ANKFY1: variants seen among roughly 807,000 people sequenced by gnomAD.
The protein encoded by ANKFY1 is ankyrin repeat and FYVE domain-containing protein 1.
ANKFY1 carries 47 observed loss-of-function variants against 128.3 expected under a neutral mutation model. The observed-to-expected ratio is 0.37, with a 90% confidence interval of 0.29 to 0.47. ANKFY1 has a LOEUF of 0.47. Among genes scored for constraint, ANKFY1 ranks in the 20% least tolerant of loss-of-function variants. ANKFY1 has a pLI of 1.00. For synonymous variants in ANKFY1, 553 were observed against 601.6 expected (o/e 0.92, Z 1.18); for missense variants, 1,222 against 1,510.6 (o/e 0.81, Z 3.17).
chr17:4,213,065 G>A (rs1476949362), intron 4 of ANKFY1, among the ~76,000 whole-genome samples: 2 of 151,888 alleles, frequency 1.3e-5, no homozygotes, highest in Admixed American at 6.6e-5. Flanking sequence ...GTGAGCCACC[G>A]CACCCCACCT....
At chr17:4,172,810 C>CT in intron 21 of ANKFY1, 130 bp from the exon 22 acceptor site, 1 of 1,309,510 alleles carries the variant, frequency 7.6e-7, no homozygotes, top group East Asian at 2.4e-5. Flanking sequence ...AAAAGTTTTT[C>CT]TTTTTCTTAT....
At chr17:4,247,225 T>C (rs1187291704) in intron 1 of ANKFY1, among the ~76,000 whole-genome samples, 3 of 152,158 alleles carry the variant, frequency 2.0e-5, no homozygotes, top group African/African-American at 4.8e-5. Context: ...GTTTCAGCCA[T>C]CTTCCCCCTC....
Position 4,197,524 on chromosome 17 carries a change from C to T in ANKFY1, c.952G>A (p.Ala318Thr). 6.2e-7 allele frequency: 1 copy of T among 1,614,154 alleles called. No individual in the cohort carries two copies. The highest frequency in any genetic ancestry group is 8.5e-7 in the Non-Finnish European group (1 of 1,180,038). ...LIKNGAFVNA[A>T]TLGAQETPLH... ...GGTGTCTCCTGGGCACCCAGTGTAGCAGCGTTGACAAAGGCCCCATTCTTA... is the reference window on the plus strand; with the variant it reads ...GGTGTCTCCTGGGCACCCAGTGTAGTAGCGTTGACAAAGGCCCCATTCTTA... The change falls in exon 8 of 25, where the codon GCT (alanine) becomes ACT (threonine). Residue 318 changes from alanine (A) to threonine (T), a missense_variant. By Grantham distance (58) the Ala-to-Thr change is moderately conservative. Transcript: ENST00000341657.
At chr17:4,168,652 A>G (rs374503134) in intron 24 of ANKFY1, among the ~76,000 whole-genome samples, 1 of 151,742 alleles carries the variant, frequency 6.6e-6, no homozygotes, top group East Asian at 1.9e-4. Context: ...ATTTTTAGTA[A>G]AGACAGGGTT....
chr17:4,221,751 G>C (rs149210704), intron 3 of ANKFY1, among the ~76,000 whole-genome samples: 1,816 of 152,180 alleles, frequency 0.012, 43 homozygotes, highest in African/African-American at 0.042. Context: ...CCAAGTAGCT[G>C]AGACTACAGG....
At chr17:4,225,384 T>A (rs1308638175) in intron 3 of ANKFY1, among the ~76,000 whole-genome samples, 5 of 152,062 alleles carry the variant, frequency 3.3e-5, no homozygotes, top group Non-Finnish European at 5.9e-5. Flanking sequence ...CTTCATAGAA[T>A]TAAAAAATCT....
At position 4,173,345 on chromosome 17, in the gene ANKFY1, C is replaced by G. The variant is rs746543903; in HGVS notation, c.3014+9G>C. The G allele has an allele frequency of 6.2e-7, 1 of 1,613,630 alleles. No individual in the cohort carries two copies. The highest frequency in any genetic ancestry group is 8.5e-7 in the Non-Finnish European group (1 of 1,179,728). On this transcript the variant is annotated intron_variant, in intron 21 of 24. Transcript: ENST00000341657. Reference sequence around the variant, plus strand: ...CGCCGCGGGGCCTACTCGGGCCCAACGCGCTCACCTGAGATTAAAGGCTTC... The same window carrying G: ...CGCCGCGGGGCCTACTCGGGCCCAAGGCGCTCACCTGAGATTAAAGGCTTC...
intron 7 of ANKFY1, among the ~76,000 whole-genome samples, chr17:4,200,537 G>T (rs187989934): frequency 1.3e-5 from 2 of 152,186 alleles, no homozygotes; most frequent in Non-Finnish European, 2.9e-5. Flanking sequence ...TCTACAGGAT[G>T]AATTTCTTGC....
intron 3 of ANKFY1, 96 bp from the exon 4 acceptor site, chr17:4,217,214 G>T: frequency 7.3e-7 from 1 of 1,377,666 alleles, no homozygotes; most frequent in Non-Finnish European, 1.0e-6. Context: ...TAAAGTAAAT[G>T]ACAGTATACC....
intron 4 of ANKFY1, among the ~76,000 whole-genome samples, chr17:4,214,475 A>G (rs1325926725): frequency 6.6e-6 from 1 of 151,926 alleles, no homozygotes; most frequent in Non-Finnish European, 1.5e-5. Context: ...ATTATTTTTA[A>G]CTTTAGAGTA....
At chr17:4,191,111 C>G (rs186424565) in intron 10 of ANKFY1, 1 of 152,462 alleles carries the variant, frequency 6.6e-6, no homozygotes, top group African/African-American at 2.4e-5. Flanking sequence ...GCACTCCAGC[C>G]TGGGCGACAG....
intron 7 of ANKFY1, among the ~76,000 whole-genome samples, chr17:4,202,358 A>G (rs1249250929): frequency 1.6e-5 from 2 of 125,382 alleles, no homozygotes; most frequent in African/African-American, 3.1e-5. Context: ...CCGAGATTGC[A>G]GCACTGCACT....
intron 14 of ANKFY1, 59 bp downstream of exon 14, chr17:4,183,338 CT>C: frequency 6.3e-7 from 1 of 1,581,256 alleles, no homozygotes; most frequent in Non-Finnish European, 8.6e-7. Context: ...CGAGGCTATG[CT>C]TTTGACATCT....
chr17:4,253,800 C>T (rs1443388057), intron 1 of ANKFY1, among the ~76,000 whole-genome samples: 4 of 152,116 alleles, frequency 2.6e-5, no homozygotes, highest in African/African-American at 9.7e-5. Flanking sequence ...AGAAACTGCA[C>T]ACAGAGGAAT....
chr17:4,185,074 G>C, intron 11 of ANKFY1, 28 bp from the exon 12 acceptor site: 1 of 1,592,356 alleles, frequency 6.3e-7, no homozygotes. Context: ...GCCGAAATCT[G>C]AGCACTCACA....
At chr17:4,233,814 G>A (rs2060555387) in intron 3 of ANKFY1, among the ~76,000 whole-genome samples, 1 of 152,228 alleles carries the variant, frequency 6.6e-6, no homozygotes, top group Admixed American at 6.5e-5. Context: ...GGCAGGGACT[G>A]TGTTATAATC....
intron 1 of ANKFY1, chr17:4,263,483 AC>A: frequency 1.4e-6 from 1 of 695,324 alleles, no homozygotes; most frequent in East Asian, 8.2e-5. Flanking sequence ...ACCCCACCTC[AC>A]CCCAACCCAG....
intron 24 of ANKFY1, among the ~76,000 whole-genome samples, chr17:4,168,524 G>A (rs576616386): frequency 5.9e-5 from 9 of 151,858 alleles, no homozygotes; most frequent in Non-Finnish European, 1.2e-4. Context: ...ATGAAGTCTC[G>A]CTCTGTGGGC....
intron 1 of ANKFY1, chr17:4,263,711 C>T (rs1401730700): frequency 2.7e-6 from 4 of 1,491,320 alleles, no homozygotes; most frequent in Non-Finnish European, 2.7e-6. Flanking sequence ...CAGCCGGCCG[C>T]AGTCCCGCGG....
Sources: gnomAD v4.1 joint callset for allele counts (sites outside exome capture counted in the v4.1 genomes callset) on GRCh38, gnomAD v4.1.1 for gene constraint, MANE v1.5 for transcripts, NCBI Gene and HGNC (gene_info 2026-07-23, HGNC 2026-07-21) for gene names.